The following CASTOR2 variants were observed in gnomAD, a reference collection of about 807,000 sequenced individuals.
CASTOR2 encodes the protein cytosolic arginine sensor for mTORC1 subunit 2.
Under a neutral mutation model 31.2 loss-of-function variants are expected in CASTOR2, and 8 were observed. That is an observed-to-expected ratio of 0.26 (90% CI 0.15 to 0.46). The LOEUF is 0.46. Ranked by LOEUF, CASTOR2 falls within the 20% of genes least tolerant of loss-of-function variation. The pLI, the probability that CASTOR2 is intolerant of heterozygous loss-of-function variation, is 0.99. For synonymous variants in CASTOR2, 162 were observed against 158.7 expected, an observed-to-expected ratio of 1.02 and a Z score of -0.16; for missense variants, 216 against 382.1, an observed-to-expected ratio of 0.57 and a Z score of 3.62.
chr7:75,004,806 A>G (rs1467995102), intron 1 of CASTOR2, among the ~76,000 whole-genome samples: 3 of 151,878 alleles, frequency 2.0e-5, no homozygotes, highest in South Asian at 2.1e-4. Context: ...GTAATTCACA[A>G]ATTCACCCCT....
chr7:74,982,564 G>A (rs1261675680), intron 1 of CASTOR2, among the ~76,000 whole-genome samples: 5 of 126,208 alleles, frequency 4.0e-5, no homozygotes, highest in South Asian at 2.8e-4. Context: ...TGGGCTGGGC[G>A]TGGTGGCTCA....
intron 7 of CASTOR2, among the ~76,000 whole-genome samples, chr7:75,022,357 T>A (rs1805026665): frequency 6.6e-6 from 1 of 152,062 alleles, no homozygotes; most frequent in Non-Finnish European, 1.5e-5. Flanking sequence ...TTTTTAAAAT[T>A]AGCTGGGCAT....
At chr7:75,015,096 G>A (rs1804837345) in intron 2 of CASTOR2, among the ~76,000 whole-genome samples, 1 of 152,186 alleles carries the variant, frequency 6.6e-6, no homozygotes, top group African/African-American at 2.4e-5. Flanking sequence ...GGCTCCTTGG[G>A]CTGTGGTCAC....
chr7:75,022,144 G>A (rs1446606047), intron 7 of CASTOR2, among the ~76,000 whole-genome samples, 188 bp downstream of exon 7: 2 of 152,188 alleles, frequency 1.3e-5, no homozygotes, highest in African/African-American at 2.4e-5. Context: ...GGGGAAGTGC[G>A]GAGCAGGCTT....
Position 75,017,755 on chromosome 7 carries a change from G to A in CASTOR2, c.342G>A (p.Val114=). Residue 114 remains valine, a synonymous_variant, in exon 3 of 9, where the codon GTG becomes GTA. Transcript: ENST00000616305. ...CACTGGCTGACCAGAACATATCCGT[G>A]TTCATGCTGTCCACGTATCAGACAG... ...IAPLADQNIS[V]FMLSTYQTDF... The A allele has an allele frequency of 9.3e-6, 15 of 1,613,996 alleles. No homozygotes were observed. The highest frequency in any genetic ancestry group is 1.3e-5 in the African/African-American group (1 of 75,048).
chr7:75,001,990 TG>T (rs1804507629), intron 1 of CASTOR2, among the ~76,000 whole-genome samples: 1 of 152,060 alleles, frequency 6.6e-6, no homozygotes. Flanking sequence ...AGACATAGTG[TG>T]GGGCTGTAGG....
At position 75,031,316 on chromosome 7, in the gene CASTOR2, G is replaced by A. The variant is rs1031978506; in HGVS notation, c.*6617G>A. 5.3e-5 allele frequency among the ~76,000 whole-genome samples: 8 copies of A among 152,140 alleles called. No individual in the cohort carries two copies. The highest frequency in any genetic ancestry group is 3.9e-4 in the East Asian group (2 of 5,158). ...CCGGGTCACCAGCAGCAGCAGCGGC[G>A]TTCCATCGCTCCCAAGATCTGGGTG... On this transcript the variant is annotated 3_prime_UTR_variant, in exon 9 of 9. Coordinates refer to ENST00000616305, the MANE Select transcript of CASTOR2 (RefSeq NM_001145064.3).
At chr7:74,987,210 G>T (rs1584462702) in intron 1 of CASTOR2, among the ~76,000 whole-genome samples, 1 of 152,036 alleles carries the variant, frequency 6.6e-6, no homozygotes, top group Non-Finnish European at 1.5e-5. Flanking sequence ...TTCAAGACCA[G>T]CCTGGCCAAC....
chr7:74,975,768 G>A (rs1554435648), intron 1 of CASTOR2, among the ~76,000 whole-genome samples: 1 of 135,094 alleles, frequency 7.4e-6, no homozygotes, highest in Non-Finnish European at 1.6e-5. Flanking sequence ...TTTCTTCTAA[G>A]TCACTAGGAG....
chr7:75,017,918 G>A, intron 3 of CASTOR2, 72 bp from the exon 4 acceptor site: 3 of 1,613,762 alleles, frequency 1.9e-6, no homozygotes, highest in African/African-American at 1.3e-5. Flanking sequence ...GTCTCAGGGT[G>A]AGAGGTCGGT....
At chr7:74,970,997 T>G (rs1217653221) in intron 1 of CASTOR2, among the ~76,000 whole-genome samples, 1 of 149,832 alleles carries the variant, frequency 6.7e-6, no homozygotes, top group African/African-American at 2.5e-5. Flanking sequence ...TGCTTTGTGG[T>G]TTTTGTTTGT....
At chr7:75,011,194 T>C (rs1804735016) in intron 2 of CASTOR2, among the ~76,000 whole-genome samples, 1 of 151,478 alleles carries the variant, frequency 6.6e-6, no homozygotes, top group Non-Finnish European at 1.5e-5. Context: ...TTTGTGAGGC[T>C]GAGGCAGGCA....
At chr7:74,969,259 A>G (rs1411427155) in intron 1 of CASTOR2, among the ~76,000 whole-genome samples, 4 of 83,294 alleles carry the variant, frequency 4.8e-5, no homozygotes, top group African/African-American at 2.2e-4. Flanking sequence ...ATTCCTGCCT[A>G]TTTGGCTTTG....
chr7:74,999,256 C>G (rs1213492831), intron 1 of CASTOR2, among the ~76,000 whole-genome samples: 1 of 152,042 alleles, frequency 6.6e-6, no homozygotes, highest in Non-Finnish European at 1.5e-5. Flanking sequence ...GTGATCCACC[C>G]GCCTCGGCTT....
chr7:75,000,616 C>G (rs1396930680), intron 1 of CASTOR2, among the ~76,000 whole-genome samples: 1 of 152,076 alleles, frequency 6.6e-6, no homozygotes, highest in East Asian at 1.9e-4. Flanking sequence ...GCAGTGAAGG[C>G]TCTGGGCTTG....
intron 2 of CASTOR2, among the ~76,000 whole-genome samples, chr7:75,011,459 G>C (rs1804742940): frequency 6.7e-6 from 1 of 150,146 alleles, no homozygotes; most frequent in African/African-American, 2.4e-5. Flanking sequence ...TTGAGGCCGG[G>C]CGCGGTGGCT....
chr7:75,008,431 G>A (rs1424023483), intron 2 of CASTOR2, among the ~76,000 whole-genome samples: 2 of 152,154 alleles, frequency 1.3e-5, no homozygotes, highest in African/African-American at 2.4e-5. Flanking sequence ...ATCTTCAGTC[G>A]GGCGCAGTGG....
chr7:74,985,441 C>T (rs1180431839), intron 1 of CASTOR2, among the ~76,000 whole-genome samples: 3,577 of 151,862 alleles, frequency 0.024, 56 homozygotes, highest in Non-Finnish European at 0.03. Flanking sequence ...AGTAGCTGGG[C>T]ATGGTGATTC....
rs1804907281 is a variant in CASTOR2, at chr7:75,018,049, G to A, written c.438G>A (p.Leu146=). 6.2e-6 allele frequency: 10 copies of A among 1,614,210 alleles called. No individual in the cohort carries two copies. The highest frequency in any genetic ancestry group is 8.5e-6 in the Non-Finnish European group (10 of 1,180,036). Residue 146 remains leucine, a synonymous_variant, in exon 4 of 9, where the codon CTG becomes CTA. Transcript: ENST00000616305. ...CATTGTCATCAGAGTTCACCATCCTGCGGGTCGTCAATGGCGAGACCGTGG... is the reference window on the plus strand; with the variant it reads ...CATTGTCATCAGAGTTCACCATCCTACGGGTCGTCAATGGCGAGACCGTGG... ...THTLSSEFTI[L]RVVNGETVAA...
Sources: gnomAD v4.1 joint callset for allele counts (sites outside exome capture counted in the v4.1 genomes callset) on GRCh38, gnomAD v4.1.1 for gene constraint, MANE v1.5 for transcripts, NCBI Gene and HGNC (gene_info 2026-07-23, HGNC 2026-07-21) for gene names.